Variants in MFF observed in about 807,000 individuals in gnomAD.
MFF encodes chromosome 2 open reading frame 33.
MFF carries 12 observed loss-of-function variants against 36.9 expected under a neutral mutation model. That is an observed-to-expected ratio of 0.33 (90% CI 0.21 to 0.53). The LOEUF (loss-of-function observed/expected upper bound fraction) is 0.53, where lower values mean the gene tolerates loss of function less well. Among genes scored for constraint, MFF ranks in the 20% least tolerant of loss-of-function variants. MFF has a pLI of 0.95. For missense variants in MFF, 348 were observed against 366.6 expected, an observed-to-expected ratio of 0.95 and a Z score of 0.42; for synonymous variants, 99 against 126.2, an observed-to-expected ratio of 0.78 and a Z score of 1.44.
chr2:227,327,994 A>C (rs1195228561), intron 1 of MFF, among the ~76,000 whole-genome samples: 3 of 152,198 alleles, frequency 2.0e-5, no homozygotes, highest in Non-Finnish European at 4.4e-5. Context: ...AAAGTGGGAC[A>C]CTTCCTTTTC....
In MFF at chr2:227,347,025, A is replaced by G. The variant is rs928934869; in HGVS notation, c.441-201A>G. 13 of 477,292 alleles carry G rather than the reference A, an allele frequency of 2.7e-5. No homozygotes were observed. In the Middle Eastern group the frequency reaches 1.7e-3, roughly 61 times the overall value. The allele number at this position is 477,292 out of a possible 1,614,324, so 29.6% of individuals were successfully genotyped here. ...TATTTATTTTGATGTTTAGGGTTAC[A>G]AAGTTATAAGTGCTGCCTTGTAGCT... On this transcript the variant is annotated intron_variant, in intron 5 of 8. Transcript: ENST00000304593.
intron 6 of MFF, among the ~76,000 whole-genome samples, chr2:227,350,180 G>A (rs961055155): frequency 2.6e-5 from 4 of 152,020 alleles, no homozygotes; most frequent in Admixed American, 1.3e-4. Context: ...TGAGTGTTAC[G>A]CATTTGGAGA....
At chr2:227,356,946 C>T (rs1410940242) in intron 8 of MFF, 40 bp from the exon 9 acceptor site, 2 of 1,500,670 alleles carry the variant, frequency 1.3e-6, no homozygotes, top group African/African-American at 1.4e-5. Flanking sequence ...TTCATTAAAG[C>T]CTCTATATTA....
chr2:227,349,749 A>G (rs1004420859), intron 6 of MFF, among the ~76,000 whole-genome samples: 5 of 152,152 alleles, frequency 3.3e-5, no homozygotes, highest in African/African-American at 1.2e-4. Context: ...GGAATGTGAA[A>G]TTTGGATAAT....
intron 6 of MFF, among the ~76,000 whole-genome samples, chr2:227,347,889 CT>C (rs1214983515): frequency 6.6e-6 from 1 of 152,182 alleles, no homozygotes; most frequent in Non-Finnish European, 1.5e-5. Context: ...GTGCTATCAT[CT>C]TTTTGATAAT....
chr2:227,332,233 A>G (rs1440518254), intron 3 of MFF, among the ~76,000 whole-genome samples, 186 bp from the exon 4 acceptor site: 5 of 151,876 alleles, frequency 3.3e-5, no homozygotes, highest in African/African-American at 9.7e-5. Context: ...CGGCCTCCCA[A>G]AGTGCTGGGA....
At chr2:227,338,081 A>G (rs1314922133) in intron 4 of MFF, among the ~76,000 whole-genome samples, 1 of 151,656 alleles carries the variant, frequency 6.6e-6, no homozygotes, top group Admixed American at 6.6e-5. Flanking sequence ...CAAAACAAAC[A>G]TCCAGGCCGG....
rs779209925 is a variant in MFF, at chr2:227,340,422, C to T, written c.440+42C>T. On this transcript the variant is annotated intron_variant, in intron 5 of 8. Coordinates refer to ENST00000304593, the MANE Select transcript of MFF (RefSeq NM_001277062.2). ...GCATTTTATCTCGTTTGTAAGTTTT[C>T]TCAGGATATTTTCTGTACCCATGTT... 8 of 1,487,942 alleles carry T rather than the reference C, an allele frequency of 5.4e-6. No individual in the cohort carries two copies. The East Asian group carries it at 1.4e-4, about 25-fold the overall frequency. The allele number at this position is 1,487,942 out of a possible 1,614,324, so 92.2% of individuals were successfully genotyped here. A position where few individuals can be genotyped will look rare whatever the true frequency, so the allele number is the denominator to read the frequency against.
rs181650721 is a variant in MFF at position 227,356,177 on chromosome 2, T to C, written c.744+416T>C. On this transcript the variant is annotated intron_variant, in intron 8 of 8. Coordinates refer to ENST00000304593, the MANE Select transcript of MFF (RefSeq NM_001277062.2). ...AATAAATCCTTTCTTAGAACTGCAG[T>C]TGCACATGCATATTTTTTAATATGT... Among the ~76,000 whole-genome samples the C allele has an allele frequency of 1.2e-3, 187 of 152,328 alleles. 3 individuals are homozygous for C. Among genetic ancestry groups the C allele is most frequent in the East Asian group, 2.9e-3 (15 of 5,176 alleles).
chr2:227,331,113 A>G (rs764156868), intron 3 of MFF, among the ~76,000 whole-genome samples: 15 of 152,150 alleles, frequency 9.9e-5, no homozygotes, highest in Non-Finnish European at 2.2e-4. Context: ...CACCCATATA[A>G]CCACCACCAC....
intron 4 of MFF, among the ~76,000 whole-genome samples, chr2:227,335,753 AAACAT>A (rs1214602376): frequency 6.6e-6 from 1 of 152,260 alleles, no homozygotes; most frequent in Non-Finnish European, 1.5e-5. Context: ...GGAGGGCTTA[AAACAT>A]AACATAAATA....
chr2:227,342,813 A>C (rs1195223121), intron 5 of MFF: 1 of 1,613,248 alleles, frequency 6.2e-7, no homozygotes, highest in Non-Finnish European at 8.5e-7. Flanking sequence ...TCTGCACCGG[A>C]GTACACGTAA....
intron 6 of MFF, chr2:227,352,157 A>ATT (rs78545543): frequency 1.9e-4 from 35 of 187,086 alleles, no homozygotes; most frequent in East Asian, 2.8e-4. Flanking sequence ...GGTGCTAGTG[A>ATT]TTTTTTTTTT....
chr2:227,346,577 T>G (rs539647326), intron 5 of MFF: 1 of 152,374 alleles, frequency 6.6e-6, no homozygotes, highest in East Asian at 1.9e-4. Flanking sequence ...TGCCTTCTTT[T>G]GCTGTATTCA....
chr2:227,326,031 G>A (rs1453898624), intron 1 of MFF, among the ~76,000 whole-genome samples: 1 of 152,080 alleles, frequency 6.6e-6, no homozygotes, highest in Non-Finnish European at 1.5e-5. Flanking sequence ...TTCCTTCCAG[G>A]AGCTGGGAAG....
At chr2:227,326,227 A>G (rs556658227) in intron 1 of MFF, among the ~76,000 whole-genome samples, 147 of 129,894 alleles carry the variant, frequency 1.1e-3, no homozygotes, top group Non-Finnish European at 1.5e-3. Flanking sequence ...ATTAAAGGGG[A>G]AAAAAAAAAA....
intron 4 of MFF, among the ~76,000 whole-genome samples, 184 bp from the exon 5 acceptor site, chr2:227,340,108 G>A (rs1306826748): frequency 6.6e-6 from 1 of 152,084 alleles, no homozygotes; most frequent in Non-Finnish European, 1.5e-5. Context: ...GTGTGTGTGT[G>A]TCTTGTTTTG....
rs1159172479 is a variant in MFF, at chr2:227,351,173, A to T, written c.600-1341A>T. ...AATAACAGGTTTCCTAATGCCACAG[A>T]GTAAATATGTTAGTAGGATGAGATG... On this transcript the variant is annotated intron_variant, in intron 6 of 8. Coordinates refer to ENST00000304593, the MANE Select transcript of MFF (RefSeq NM_001277062.2). Among the ~76,000 whole-genome samples the T allele has an allele frequency of 5.3e-5, 8 of 152,300 alleles. No individual in the cohort carries two copies. The East Asian group carries it at 1.5e-3, about 29-fold the overall frequency.
chr2:227,338,590 G>C (rs2075183881), intron 4 of MFF, among the ~76,000 whole-genome samples: 2 of 151,918 alleles, frequency 1.3e-5, no homozygotes, highest in African/African-American at 2.4e-5. Context: ...CCAGCACTTT[G>C]GGAGGCTGAG....
Sources: allele counts gnomAD v4.1 joint callset (sites outside exome capture counted in the v4.1 genomes callset), GRCh38; gene constraint gnomAD v4.1.1; transcripts MANE v1.5; gene names NCBI Gene and HGNC (gene_info 2026-07-23, HGNC 2026-07-21).